CHRM2: variants seen among roughly 807,000 people sequenced by gnomAD.
CHRM2 encodes cholinergic receptor muscarinic 2, also known as muscarinic acetylcholine receptor M2.
A neutral mutation model predicts 25.0 loss-of-function variants in CHRM2; 8 were observed. The ratio of observed to expected loss-of-function variants is 0.32; its 90% CI spans 0.19 to 0.58. The LOEUF is 0.58. CHRM2 is among the 20% of genes least tolerant of loss of function. The probability of loss-of-function intolerance (pLI) is 0.88; values close to 1 mark genes in which losing one functional copy is unlikely to be tolerated. For missense variants in CHRM2, 440 were observed against 567.1 expected (o/e 0.78, Z 2.28); for synonymous variants, 202 against 205.7 (o/e 0.98, Z 0.15).
At chr7:136,975,985 T>G (rs1408646646) in intron 2 of CHRM2, among the ~76,000 whole-genome samples, 1 of 152,154 alleles carries the variant, frequency 6.6e-6, no homozygotes, top group African/African-American at 2.4e-5. Flanking sequence ...CAGTGCTATG[T>G]TCAGATAAGG....
intron 3 of CHRM2, among the ~76,000 whole-genome samples, chr7:137,000,194 C>CTTTT (rs57283576): frequency 4.1e-4 from 30 of 73,328 alleles, no homozygotes; most frequent in South Asian, 6.2e-4. Context: ...CTTTTTCTTT[C>CTTTT]TTTTTTTTTT....
intron 2 of CHRM2, among the ~76,000 whole-genome samples, chr7:136,937,874 C>T (rs892528562): frequency 9.2e-5 from 14 of 152,160 alleles, no homozygotes; most frequent in African/African-American, 3.4e-4. Context: ...ACCAAACACA[C>T]AGTCCATGAT....
At chr7:136,956,920 A>T (rs1800757736) in intron 2 of CHRM2, among the ~76,000 whole-genome samples, 1 of 151,890 alleles carries the variant, frequency 6.6e-6, no homozygotes, top group African/African-American at 2.4e-5. Flanking sequence ...CTGACTCCTT[A>T]GCAAACACGC....
intron 2 of CHRM2, among the ~76,000 whole-genome samples, chr7:136,884,238 C>A (rs1796372778): frequency 6.6e-6 from 1 of 152,126 alleles, no homozygotes; most frequent in South Asian, 2.1e-4. Context: ...CTGCTTCTTT[C>A]TTTTGCTTCC....
At chr7:136,945,263 G>A (rs1469083685) in intron 2 of CHRM2, among the ~76,000 whole-genome samples, 1 of 151,966 alleles carries the variant, frequency 6.6e-6, no homozygotes, top group Non-Finnish European at 1.5e-5. Context: ...CTTTGTTTTT[G>A]TTGCATTTGC....
intron 2 of CHRM2, among the ~76,000 whole-genome samples, chr7:136,939,669 ACT>A (rs1799649256): frequency 6.6e-6 from 1 of 152,190 alleles, no homozygotes; most frequent in Non-Finnish European, 1.5e-5. Flanking sequence ...AGTGGGACTT[ACT>A]CTGTTTTTCA....
chr7:136,895,822 A>G (rs1448779647), intron 2 of CHRM2, among the ~76,000 whole-genome samples: 2 of 152,190 alleles, frequency 1.3e-5, no homozygotes, highest in Non-Finnish European at 1.5e-5. Context: ...GCTTCTAGGT[A>G]TGTAAAATTT....
At chr7:137,010,312 G>A (rs1194818395) in intron 3 of CHRM2, among the ~76,000 whole-genome samples, 2 of 152,054 alleles carry the variant, frequency 1.3e-5, no homozygotes, top group Non-Finnish European at 2.9e-5. Context: ...TGTCTTATAA[G>A]TTTCCATAGT....
intron 2 of CHRM2, among the ~76,000 whole-genome samples, chr7:136,987,753 C>T (rs1157536289): frequency 6.6e-6 from 1 of 152,138 alleles, no homozygotes; most frequent in African/African-American, 2.4e-5. Context: ...TGCATCCCTC[C>T]TTATTCAATC....
intron 2 of CHRM2, among the ~76,000 whole-genome samples, chr7:136,928,446 G>A (rs1012832541): frequency 6.6e-6 from 1 of 152,126 alleles, no homozygotes; most frequent in Non-Finnish European, 1.5e-5. Context: ...GTGGAGGTTT[G>A]CACATTGTAT....
intron 2 of CHRM2, among the ~76,000 whole-genome samples, chr7:136,892,671 C>CT (rs5887814): frequency 0.37 from 52,197 of 140,232 alleles, 10,085 homozygotes; most frequent in Non-Finnish European, 0.4. Flanking sequence ...ATTAAAAGTT[C>CT]TTTTTTTTTT....
chr7:136,978,460 T>C (rs1028930682), intron 2 of CHRM2, among the ~76,000 whole-genome samples: 5 of 152,196 alleles, frequency 3.3e-5, no homozygotes, highest in African/African-American at 1.2e-4. Context: ...GCGCATCTTT[T>C]TTTTATTGTA....
At chr7:136,901,142 GT>G (rs1797183688) in intron 2 of CHRM2, among the ~76,000 whole-genome samples, 1 of 152,066 alleles carries the variant, frequency 6.6e-6, no homozygotes, top group African/African-American at 2.4e-5. Flanking sequence ...AGCCCGGGGA[GT>G]GTGGGCACCC....
At chr7:136,919,972 A>G (rs1470705958) in intron 2 of CHRM2, among the ~76,000 whole-genome samples, 2 of 151,998 alleles carry the variant, frequency 1.3e-5, no homozygotes, top group African/African-American at 4.8e-5. Context: ...AATGTTTCTC[A>G]ATAACTAGGA....
At chr7:136,955,888 A>G (rs576018370) in intron 2 of CHRM2, among the ~76,000 whole-genome samples, 17 of 152,224 alleles carry the variant, frequency 1.1e-4, no homozygotes, top group Non-Finnish European at 2.2e-4. Flanking sequence ...ATAAATCACC[A>G]TATGCTCATT....
At chr7:136,902,955 TCAAA>T (rs776096617) in intron 2 of CHRM2, 18 of 357,982 alleles carry the variant, frequency 5.0e-5, no homozygotes, top group Admixed American at 1.6e-4. Context: ...TTTTTCATTA[TCAAA>T]CAAACAAAGC....
chr7:137,008,932 C>T (rs1431998600), intron 3 of CHRM2, among the ~76,000 whole-genome samples: 1 of 151,988 alleles, frequency 6.6e-6, no homozygotes, highest in Non-Finnish European at 1.5e-5. Flanking sequence ...TGACATGGTC[C>T]AGGAGTCAGA....
intron 2 of CHRM2, among the ~76,000 whole-genome samples, chr7:136,966,930 A>G (rs1369330698): frequency 6.6e-6 from 1 of 152,040 alleles, no homozygotes; most frequent in East Asian, 1.9e-4. Context: ...GCAGGAAAAG[A>G]ATGCTTTAAA....
chr7:136,970,367 A>C (rs1563098069), intron 2 of CHRM2, among the ~76,000 whole-genome samples: 1 of 152,148 alleles, frequency 6.6e-6, no homozygotes, highest in African/African-American at 2.4e-5. Flanking sequence ...TTTTGCCTTC[A>C]TGACTTCCTT....
Sources: gnomAD v4.1 joint callset for allele counts (sites outside exome capture counted in the v4.1 genomes callset) on GRCh38, gnomAD v4.1.1 for gene constraint, MANE v1.5 for transcripts, NCBI Gene and HGNC (gene_info 2026-07-23, HGNC 2026-07-21) for gene names.